The following NRCAM variants were observed in gnomAD, a reference collection of about 807,000 sequenced individuals.
The protein encoded by NRCAM is NgCAM-related cell adhesion molecule.
Under a neutral mutation model 156.5 loss-of-function variants are expected in NRCAM, and 83 were observed. The ratio of observed to expected loss-of-function variants is 0.53; its 90% CI spans 0.44 to 0.64. NRCAM has a LOEUF of 0.64. Among genes scored for constraint, NRCAM ranks in the 30% least tolerant of loss-of-function variants. NRCAM has a pLI of 0.00. For missense variants in NRCAM, 1,417 were observed against 1,597.3 expected (o/e 0.89, Z 1.92); for synonymous variants, 538 against 563.9 (o/e 0.95, Z 0.65).
At chr7:108,405,700 T>C (rs1182501016) in intron 1 of NRCAM, among the ~76,000 whole-genome samples, 1 of 152,174 alleles carries the variant, frequency 6.6e-6, no homozygotes, top group East Asian at 1.9e-4. Context: ...TACGTTTTAG[T>C]TAAAGTTAGA....
At chr7:108,259,709 T>C (rs2096821038) in intron 3 of NRCAM, among the ~76,000 whole-genome samples, 1 of 152,196 alleles carries the variant, frequency 6.6e-6, no homozygotes, top group Non-Finnish European at 1.5e-5. Flanking sequence ...TGGATGGAGC[T>C]GGAAGCCATT....
chr7:108,274,618 A>T (rs906524062), intron 3 of NRCAM, among the ~76,000 whole-genome samples: 3 of 152,246 alleles, frequency 2.0e-5, no homozygotes, highest in Admixed American at 2.0e-4. Context: ...GAAGTTGCTT[A>T]TCAGCTTAAC....
At chr7:108,349,289 G>A (rs868489110) in intron 2 of NRCAM, among the ~76,000 whole-genome samples, 4 of 147,598 alleles carry the variant, frequency 2.7e-5, no homozygotes, top group South Asian at 2.1e-4. Flanking sequence ...TTTTTTTTGA[G>A]ACGGAGTCTC....
At chr7:108,255,167 C>A (rs2096566688) in intron 3 of NRCAM, among the ~76,000 whole-genome samples, 1 of 115,612 alleles carries the variant, frequency 8.6e-6, no homozygotes, top group African/African-American at 4.2e-5. Flanking sequence ...CTCCCTCTCC[C>A]CCTCCCCCCC....
chr7:108,197,226 C>T (rs1362761709), intron 14 of NRCAM, among the ~76,000 whole-genome samples: 1 of 152,128 alleles, frequency 6.6e-6, no homozygotes, highest in Non-Finnish European at 1.5e-5. Flanking sequence ...TCAACATCCA[C>T]CAATATCTTA....
intron 1 of NRCAM, among the ~76,000 whole-genome samples, chr7:108,439,592 C>T (rs533633474): frequency 6.6e-6 from 1 of 152,064 alleles, no homozygotes; most frequent in Admixed American, 6.6e-5. Flanking sequence ...TGGTGGCTTA[C>T]GCCTGTAATC....
At position 108,178,020 on chromosome 7, in the gene NRCAM, A is replaced by T; in HGVS notation, c.2944T>A (p.Leu982Met). Residue 982 changes from leucine to methionine, a missense_variant, in exon 26 of 33, where the codon TTG (leucine) becomes ATG (methionine). Transcript: ENST00000379028. ...TGATACTTTAAGGTGTACTCTGTCAAAATGCCATTCGGGTGGCTCGGTGGA... is the reference window on the plus strand; with the variant it reads ...TGATACTTTAAGGTGTACTCTGTCATAATGCCATTCGGGTGGCTCGGTGGA... ...WDPPSHPNGI[L>M]TEYTLKYQPI... is the part of the protein sequence containing the mutation. 1.2e-6 allele frequency: 2 copies of T among 1,613,558 alleles called. No individual in the cohort carries two copies. The highest frequency in any genetic ancestry group is 1.7e-6 in the Non-Finnish European group (2 of 1,179,620).
chr7:108,191,997 C>T (rs1348684703), intron 17 of NRCAM, 144 bp from the exon 18 acceptor site: 25 of 845,448 alleles, frequency 3.0e-5, no homozygotes, highest in Non-Finnish European at 4.3e-5. Flanking sequence ...ATACATATCA[C>T]TTTAAGAATG....
chr7:108,321,296 G>T (rs560466510), intron 2 of NRCAM, among the ~76,000 whole-genome samples: 21 of 152,240 alleles, frequency 1.4e-4, no homozygotes, highest in African/African-American at 5.1e-4. Flanking sequence ...ACCTGAGATT[G>T]CTTATAAAGA....
At chr7:108,386,127 A>G (rs1325850329) in intron 2 of NRCAM, among the ~76,000 whole-genome samples, 1 of 152,152 alleles carries the variant, frequency 6.6e-6, no homozygotes, top group East Asian at 1.9e-4. Flanking sequence ...AAAACTATAC[A>G]GACATGTTTT....
Position 108,245,053 on chromosome 7 carries a change from T to C in NRCAM, c.-106-4883A>G, listed in dbSNP as rs2095816141. The stretch of plus-strand genomic sequence containing the variant: ...CACAGCGATGAGTCTCCTCCAGGCA[T>C]TAACTTATCTTCCCAACAATTCCAG... On this transcript the variant is annotated intron_variant, in intron 3 of 32. Coordinates refer to ENST00000379028, the MANE Select transcript of NRCAM (RefSeq NM_001037132.4). Among the ~76,000 whole-genome samples the C allele has an allele frequency of 2.0e-5, 3 of 152,228 alleles. No homozygotes were observed. In the South Asian group the frequency reaches 6.2e-4, roughly 32 times the overall value.
chr7:108,187,936 C>T (rs2068177171), intron 20 of NRCAM, among the ~76,000 whole-genome samples: 5 of 151,046 alleles, frequency 3.3e-5, no homozygotes, highest in Admixed American at 3.3e-4. Flanking sequence ...GCCTGGGCAA[C>T]AAAGCGAGAC....
At chr7:108,248,489 A>G (rs1474190293) in intron 3 of NRCAM, among the ~76,000 whole-genome samples, 1 of 152,096 alleles carries the variant, frequency 6.6e-6, no homozygotes, top group African/African-American at 2.4e-5. Context: ...ACCTCATGGT[A>G]GAAGTCCATG....
At chr7:108,276,176 G>C (rs1306133508) in intron 3 of NRCAM, among the ~76,000 whole-genome samples, 1 of 152,184 alleles carries the variant, frequency 6.6e-6, no homozygotes, top group African/African-American at 2.4e-5. Context: ...TTTAGAATAA[G>C]TGCGATGTGG....
chr7:108,317,910 GAA>G (rs377722562), intron 2 of NRCAM, among the ~76,000 whole-genome samples: 1 of 93,052 alleles, frequency 1.1e-5, no homozygotes, highest in Non-Finnish European at 2.1e-5. Flanking sequence ...CTCAGTCCCA[GAA>G]AAAAAAAAAA....
At chr7:108,373,540 G>C (rs945408678) in intron 2 of NRCAM, among the ~76,000 whole-genome samples, 4 of 152,074 alleles carry the variant, frequency 2.6e-5, no homozygotes, top group African/African-American at 7.2e-5. Context: ...CCCTACAATG[G>C]GCTAATACTA....
chr7:108,177,956 CAT>C, intron 26 of NRCAM, 32 bp downstream of exon 26: 1 of 1,559,970 alleles, frequency 6.4e-7, no homozygotes, highest in East Asian at 2.3e-5. Flanking sequence ...AATAAAAAAA[CAT>C]ATTTCCCCTT....
At chr7:108,324,252 G>A (rs1181356628) in intron 2 of NRCAM, among the ~76,000 whole-genome samples, 2 of 131,652 alleles carry the variant, frequency 1.5e-5, no homozygotes, top group Non-Finnish European at 3.5e-5. Flanking sequence ...CAGAGCAGAG[G>A]TTAGTGGCAT....
At chr7:108,301,241 C>G (rs892346475) in intron 3 of NRCAM, among the ~76,000 whole-genome samples, 5 of 152,146 alleles carry the variant, frequency 3.3e-5, no homozygotes, top group African/African-American at 4.8e-5. Context: ...TAAGGACAGA[C>G]GATTAATGTA....
Sources: allele counts gnomAD v4.1 joint callset (sites outside exome capture counted in the v4.1 genomes callset), GRCh38; gene constraint gnomAD v4.1.1; transcripts MANE v1.5; gene names NCBI Gene and HGNC (gene_info 2026-07-23, HGNC 2026-07-21).